Variants in PCDH15 observed in about 807,000 individuals in gnomAD.
PCDH15 encodes protocadherin related 15.
Under a neutral mutation model 178.5 loss-of-function variants are expected in PCDH15, and 129 were observed. The ratio of observed to expected loss-of-function variants is 0.72; its 90% CI spans 0.63 to 0.84. The LOEUF is 0.84. PCDH15 is among the 40% of genes least tolerant of loss of function. The pLI is 0.00. For missense variants in PCDH15, 2,230 were observed against 2,099.9 expected (o/e 1.06, Z -1.21); for synonymous variants, 800 against 732.0 (o/e 1.09, Z -1.50).
chr10:55,383,341 T>C (rs1456676394), intron 2 of PCDH15, among the ~76,000 whole-genome samples: 1 of 152,070 alleles, frequency 6.6e-6, no homozygotes, highest in African/African-American at 2.4e-5. Flanking sequence ...TCTGCTCCTC[T>C]GTCAATGGAG....
At chr10:54,278,232 T>C (rs994737593) in intron 8 of PCDH15, among the ~76,000 whole-genome samples, 4 of 151,600 alleles carry the variant, frequency 2.6e-5, no homozygotes, top group Admixed American at 6.6e-5. Context: ...TAAAAATGGA[T>C]ATTTTAGTAA....
chr10:54,830,329 C>T (rs1372022802), intron 3 of PCDH15, among the ~76,000 whole-genome samples: 1 of 152,066 alleles, frequency 6.6e-6, no homozygotes, highest in Non-Finnish European at 1.5e-5. Flanking sequence ...GACTTGGAAC[C>T]AACCCAAATG....
At chr10:55,180,151 G>A (rs977703996) in intron 1 of PCDH15, among the ~76,000 whole-genome samples, 1 of 151,990 alleles carries the variant, frequency 6.6e-6, no homozygotes, top group Non-Finnish European at 1.5e-5. Flanking sequence ...CTGAGAAGTT[G>A]GAGAGGGATT....
chr10:54,540,484 C>T (rs1261636404), intron 2 of PCDH15, among the ~76,000 whole-genome samples: 6 of 152,036 alleles, frequency 3.9e-5, no homozygotes, highest in Non-Finnish European at 7.4e-5. Context: ...CTGAACAGAC[C>T]AACATTGAGT....
chr10:55,438,202 T>TAC (rs71463103), intron 2 of PCDH15, among the ~76,000 whole-genome samples: 3,615 of 149,278 alleles, frequency 0.024, 133 homozygotes, highest in African/African-American at 0.077. Flanking sequence ...GAACATGTTA[T>TAC]ACACACACAC....
intron 8 of PCDH15, among the ~76,000 whole-genome samples, chr10:54,240,853 G>A (rs1231635119): frequency 3.3e-5 from 5 of 151,896 alleles, no homozygotes; most frequent in Non-Finnish European, 5.9e-5. Context: ...GGATGGTCTG[G>A]ATCTCTTGAC....
intron 8 of PCDH15, among the ~76,000 whole-genome samples, chr10:54,288,210 C>T (rs942181613): frequency 6.6e-6 from 1 of 151,960 alleles, no homozygotes; most frequent in African/African-American, 2.4e-5. Flanking sequence ...GTCTCAGCTA[C>T]TTGGGAGGCT....
intron 3 of PCDH15, among the ~76,000 whole-genome samples, chr10:54,872,185 A>AT (rs1457318851): frequency 6.6e-6 from 1 of 152,016 alleles, no homozygotes; most frequent in Non-Finnish European, 1.5e-5. Context: ...TTTTTAATAA[A>AT]TAAGGAGAAA....
chr10:54,284,094 C>T (rs981687262), intron 8 of PCDH15, among the ~76,000 whole-genome samples: 2 of 152,116 alleles, frequency 1.3e-5, no homozygotes, highest in East Asian at 1.9e-4. Context: ...CTCGGCCTCC[C>T]TAAGTGCTGG....
At chr10:53,910,724 A>G (rs747643365) in intron 25 of PCDH15, among the ~76,000 whole-genome samples, 20 of 152,210 alleles carry the variant, frequency 1.3e-4, no homozygotes, top group Non-Finnish European at 2.4e-4. Context: ...TCCGAGCTAA[A>G]GAAGGATGTT....
intron 1 of PCDH15, among the ~76,000 whole-genome samples, chr10:55,251,964 G>C (rs537727335): frequency 6.6e-6 from 1 of 152,064 alleles, no homozygotes; most frequent in Non-Finnish European, 1.5e-5. Flanking sequence ...TTGGCTACTG[G>C]TTCACAAATC....
intron 1 of PCDH15, among the ~76,000 whole-genome samples, chr10:54,716,750 A>G (rs1362463267): frequency 6.6e-6 from 1 of 151,876 alleles, no homozygotes; most frequent in Admixed American, 6.6e-5. Flanking sequence ...ACAGAACTGG[A>G]AAAAACTACT....
At chr10:54,872,674 T>C (rs1954060247) in intron 3 of PCDH15, among the ~76,000 whole-genome samples, 2 of 152,090 alleles carry the variant, frequency 1.3e-5, no homozygotes, top group Admixed American at 1.3e-4. Context: ...CATGATTTCC[T>C]CATCAACAGC....
In PCDH15 at chr10:54,962,265, C is replaced by G. The variant is rs149118333; in HGVS notation, c.-79-64765G>C. On this transcript the variant is annotated intron_variant, in intron 2 of 5. Coordinates refer to the PCDH15 transcript ENST00000458638. The stretch of plus-strand genomic sequence containing the variant: ...CTAAGACAGAGCTGCTGTAACACTA[C>G]AGTCCTGCTGCTCTCTGCTGGCACT... Among the ~76,000 whole-genome samples the G allele has an allele frequency of 2.0e-5, 3 of 151,962 alleles. No individual in the cohort carries two copies. In the South Asian group the frequency reaches 6.2e-4, roughly 32 times the overall value.
intron 21 of PCDH15, 65 bp downstream of exon 21, chr10:53,995,584 C>A: frequency 1.2e-6 from 2 of 1,612,742 alleles, no homozygotes; most frequent in South Asian, 2.2e-5. Context: ...GTGATTCGGT[C>A]ATTTATGAGT....
chr10:54,551,040 C>G (rs769210418), intron 2 of PCDH15, among the ~76,000 whole-genome samples: 29 of 148,520 alleles, frequency 2.0e-4, no homozygotes, highest in Non-Finnish European at 3.1e-4. Context: ...TCTGTAATCT[C>G]AGGACTAGAG....
chr10:55,423,164 T>A (rs527669593), intron 2 of PCDH15, among the ~76,000 whole-genome samples: 1 of 152,108 alleles, frequency 6.6e-6, no homozygotes, highest in East Asian at 1.9e-4. Context: ...AATTATTTAA[T>A]GATTAAAAAA....
chr10:55,068,948 A>G (rs1432823669), intron 2 of PCDH15, among the ~76,000 whole-genome samples: 1 of 152,014 alleles, frequency 6.6e-6, no homozygotes, highest in Non-Finnish European at 1.5e-5. Flanking sequence ...CCCAGGCTAG[A>G]GTGCAGTGGT....
chr10:54,986,984 C>T (rs1262768413), intron 2 of PCDH15, among the ~76,000 whole-genome samples: 1 of 151,970 alleles, frequency 6.6e-6, no homozygotes, highest in African/African-American at 2.4e-5. Flanking sequence ...TTTGCTGCAC[C>T]TATTAATCAG....
Sources: allele counts gnomAD v4.1 joint callset (sites outside exome capture counted in the v4.1 genomes callset), GRCh38; gene constraint gnomAD v4.1.1; transcripts MANE v1.5; gene names NCBI Gene and HGNC (gene_info 2026-07-23, HGNC 2026-07-21).